The following RYR3 variants were observed in gnomAD, a reference collection of about 807,000 sequenced individuals.
RYR3 encodes ryanodine receptor 3, also known as brain ryanodine receptor-calcium release channel.
Under a neutral mutation model 584.3 loss-of-function variants are expected in RYR3, and 207 were observed. The ratio of observed to expected loss-of-function variants is 0.35; its 90% confidence interval spans 0.32 to 0.40. The LOEUF is 0.40. RYR3 is among the 10% of genes least tolerant of loss of function. RYR3 has a pLI of 1.00. For missense variants in RYR3, 5,616 were observed against 6,089.2 expected (o/e 0.92, Z 2.59); for synonymous variants, 2,416 against 2,248.5 (o/e 1.07, Z -2.11).
At chr15:33,810,854 TTTC>T in intron 71 of RYR3, 121 bp from the exon 72 acceptor site, 1 of 1,109,850 alleles carries the variant, frequency 9.0e-7, no homozygotes, top group East Asian at 2.6e-5. Context: ...CGGAATATTT[TTTC>T]TTTTGTTCTT....
intron 1 of RYR3, among the ~76,000 whole-genome samples, chr15:33,323,932 C>T (rs2140562675): frequency 6.6e-6 from 1 of 152,228 alleles, no homozygotes; most frequent in East Asian, 1.9e-4. Context: ...CTGAACTGCC[C>T]AATTAAATGC....
Position 33,311,010 on chromosome 15 carries a change from G to T in RYR3, c.-36G>T. ...AGCGGCTGCCGGGGGAAGCAGAGGCGCCGGAGGCTGGGGCACCGCCGACGC... is the reference window on the plus strand; with the variant it reads ...AGCGGCTGCCGGGGGAAGCAGAGGCTCCGGAGGCTGGGGCACCGCCGACGC... On this transcript the variant is annotated 5_prime_UTR_variant, in exon 1 of 104. Transcript: ENST00000634891. The surrounding 1 kb of genome is among the most constrained non-coding windows in gnomAD (Gnocchi z 4.4). 6.4e-7 allele frequency: 1 copy of T among 1,551,046 alleles called. No homozygotes were observed. The highest frequency in any genetic ancestry group is 1.2e-5 in the South Asian group (1 of 84,532).
chr15:33,608,524 G>A (rs953353379), intron 18 of RYR3, among the ~76,000 whole-genome samples: 12 of 152,154 alleles, frequency 7.9e-5, no homozygotes, highest in South Asian at 2.1e-4. Flanking sequence ...TGAGGTGTAC[G>A]TCGTCAGATG....
chr15:33,855,629 CAATATTT>C (rs2079573175), intron 98 of RYR3, among the ~76,000 whole-genome samples: 2 of 1,810 alleles, frequency 1.1e-3, no homozygotes, highest in African/African-American at 2.5e-3. Flanking sequence ...AATTAAGAGC[CAATATTT>C]CTGATATCTG....
rs10647466 is a variant in RYR3, at chr15:33,450,087, T to TAAAAAAAAAAAA, written c.52-23319_52-23308dup. Among the ~76,000 whole-genome samples the TAAAAAAAAAAAA allele has an allele frequency of 1.7e-3, 115 of 67,304 alleles. 23 individuals are homozygous for TAAAAAAAAAAAA. Among genetic ancestry groups the TAAAAAAAAAAAA allele is most frequent in the African/African-American group, 5.4e-3 (98 of 18,202 alleles). The allele number at this position is 67,304 out of a possible 152,430, so 44.2% of individuals were successfully genotyped here. On this transcript the variant is annotated intron_variant, in intron 1 of 103. Transcript: ENST00000634891. ...TTACTGCGGCTAGAGCATTAATACC[T>TAAAAAAAAAAAA]AAAAAAAAAAAAAAAAAAAAAAAAG...
At chr15:33,730,102 A>AATAATT (rs996767547) in intron 47 of RYR3, among the ~76,000 whole-genome samples, 2 of 83,294 alleles carry the variant, frequency 2.4e-5, no homozygotes, top group African/African-American at 7.7e-5. Flanking sequence ...TTTTATTCAT[A>AATAATT]ATGAATAATT....
intron 1 of RYR3, among the ~76,000 whole-genome samples, chr15:33,352,574 C>T (rs931131911): frequency 4.6e-5 from 7 of 152,142 alleles, no homozygotes; most frequent in African/African-American, 7.2e-5. Context: ...CTTGGTGCTT[C>T]GTTTTGTCTC....
chr15:33,476,120 T>G (rs963361213), intron 2 of RYR3, among the ~76,000 whole-genome samples: 1 of 152,194 alleles, frequency 6.6e-6, no homozygotes, highest in Non-Finnish European at 1.5e-5. Flanking sequence ...ACTTACAAAA[T>G]CTTGAGTTTA....
chr15:33,600,242 A>G (rs1250035835), intron 16 of RYR3, among the ~76,000 whole-genome samples: 2 of 152,140 alleles, frequency 1.3e-5, no homozygotes, highest in Non-Finnish European at 2.9e-5. Flanking sequence ...GGTTTGTGAG[A>G]ATTATGGATA....
At chr15:33,705,101 T>TTTTC (rs1555417955) in intron 42 of RYR3, among the ~76,000 whole-genome samples, 1 of 142,104 alleles carries the variant, frequency 7.0e-6, no homozygotes, top group Non-Finnish European at 1.5e-5. Context: ...CACACACTCT[T>TTTTC]TCTCTCTCTC....
intron 2 of RYR3, among the ~76,000 whole-genome samples, chr15:33,500,083 G>T (rs565602671): frequency 6.6e-6 from 1 of 152,316 alleles, no homozygotes; most frequent in African/African-American, 2.4e-5. Context: ...CTTGAGTTGG[G>T]TGCTTACTAT....
intron 1 of RYR3, among the ~76,000 whole-genome samples, chr15:33,341,033 G>A (rs992723560): frequency 6.6e-6 from 1 of 152,058 alleles, no homozygotes; most frequent in Non-Finnish European, 1.5e-5. Context: ...TTCTGATTCA[G>A]TGGACTTTGT....
At chr15:33,430,967 C>T (rs1335544215) in intron 1 of RYR3, among the ~76,000 whole-genome samples, 1 of 151,986 alleles carries the variant, frequency 6.6e-6, no homozygotes, top group Non-Finnish European at 1.5e-5. Flanking sequence ...TTTTTTAGGC[C>T]CATCTTACCT....
chr15:33,830,052 T>C (rs2077586179), intron 85 of RYR3, among the ~76,000 whole-genome samples: 1 of 152,244 alleles, frequency 6.6e-6, no homozygotes, highest in South Asian at 2.1e-4. Flanking sequence ...GAAGATGCTC[T>C]AAACATTGTT....
Position 33,601,458 on chromosome 15 carries a change from G to A in RYR3, c.1828G>A (p.Val610Ile), listed in dbSNP as rs114825824. The change falls in exon 17 of 104, where the codon GTT becomes ATT. Residue 610 changes from valine to isoleucine, a missense_variant. Val to Ile is a conservative substitution (Grantham distance 29). Coordinates refer to ENST00000634891, the MANE Select transcript of RYR3 (RefSeq NM_001036.6). ...ILCSLCLCNGVAVRANQNLIC... is the reference protein window; with the variant it reads ...ILCSLCLCNGIAVRANQNLIC... ...GTGCTCCCTCTGTCTCTGCAATGGG[G>A]TTGCAGTGAGAGCCAACCAGAATCT... 2,157 of 1,613,094 alleles carry A rather than the reference G, an allele frequency of 1.3e-3. 28 individuals are homozygous for A. The African/African-American group carries it at 0.025, about 19-fold the overall frequency.
intron 15 of RYR3, among the ~76,000 whole-genome samples, chr15:33,585,249 C>G (rs1291019745): frequency 6.6e-6 from 1 of 152,162 alleles, no homozygotes; most frequent in Non-Finnish European, 1.5e-5. Context: ...GTGCCTCGGT[C>G]TCATGGGCTA....
chr15:33,743,524 G>C (rs901024172), intron 52 of RYR3, among the ~76,000 whole-genome samples: 3 of 152,162 alleles, frequency 2.0e-5, no homozygotes. Flanking sequence ...TTTGGCTTAG[G>C]GGGCATAGCC....
chr15:33,606,276 C>T (rs2059898707), intron 18 of RYR3, among the ~76,000 whole-genome samples: 1 of 152,180 alleles, frequency 6.6e-6, no homozygotes, highest in South Asian at 2.1e-4. Context: ...CCCTGACACA[C>T]ATTAGATAGA....
rs2079995757 is a variant in RYR3 at position 33,858,733 on chromosome 15, C to G, written c.14142+819C>G. On this transcript the variant is annotated intron_variant, in intron 99 of 103. Transcript: ENST00000634891. Reference sequence around the variant, plus strand: ...CCAGATCTTCGTGAGAAAAAAGGCACTGCCCAGAGTAAGCCAGCTTGGCTG... The same window carrying G: ...CCAGATCTTCGTGAGAAAAAAGGCAGTGCCCAGAGTAAGCCAGCTTGGCTG... 3 of 152,418 alleles carry G rather than the reference C, an allele frequency of 2.0e-5. No individual in the cohort carries two copies. The South Asian group carries it at 6.2e-4, about 32-fold the overall frequency. 9.4% of individuals were successfully genotyped at this position (152,418 alleles called of 1,614,324 possible).
Sources: allele counts gnomAD v4.1 joint callset (sites outside exome capture counted in the v4.1 genomes callset), GRCh38; gene constraint gnomAD v4.1.1; non-coding constraint Gnocchi (gnomAD v3.1); transcripts MANE v1.5; gene names NCBI Gene and HGNC (gene_info 2026-07-23, HGNC 2026-07-21).